The following SLC6A14 variants were observed in gnomAD, a reference collection of about 807,000 sequenced individuals.
SLC6A14 encodes the protein solute carrier family 6 member 14, also known as sodium- and chloride-dependent neutral and basic amino acid transporter B(0+).
Under a neutral mutation model 51.4 loss-of-function variants are expected in SLC6A14, and 21 were observed. The ratio of observed to expected loss-of-function variants is 0.41; its 90% CI spans 0.29 to 0.59. The LOEUF is 0.59. Ranked by LOEUF, SLC6A14 falls within the 20% of genes least tolerant of loss-of-function variation. SLC6A14 has a pLI of 0.31. For missense variants in SLC6A14, 371 were observed against 472.8 expected (o/e 0.78, Z 2.00); for synonymous variants, 177 against 160.7 (o/e 1.10, Z -0.77).
In SLC6A14 at chrX:116,459,005, TA is replaced by T. The variant is rs782397999; in HGVS notation, c.*51del. 6 of 1,004,749 alleles carry T rather than the reference TA, an allele frequency of 6.0e-6. No individual in the cohort carries two copies. The highest frequency in any genetic ancestry group is 3.8e-5 in the African/African-American group (2 of 52,089). 82.8% of individuals were successfully genotyped at this position (1,004,749 alleles called of 1,213,427 possible). A position where few individuals can be genotyped will look rare whatever the true frequency, so the allele number is the denominator to read the frequency against. ...TTGTATAATGTGATTTTTTTTAGAA[TA>T]GGGGGAACCTTATTTATTTGTGTGT... On this transcript the variant is annotated 3_prime_UTR_variant, in exon 14 of 14. Coordinates refer to ENST00000598581, the MANE Select transcript of SLC6A14 (RefSeq NM_007231.5).
At position 116,459,256 on chromosome X, in the gene SLC6A14, G is replaced by A; in HGVS notation, c.*301G>A. 1 of 161,809 alleles carries A rather than the reference G, an allele frequency of 6.2e-6. No individual in the cohort carries two copies. Among genetic ancestry groups the A allele is most frequent in the East Asian group, 1.3e-4 (1 of 7,539 alleles). The allele number at this position is 161,809 out of a possible 1,213,427, so 13.3% of individuals were successfully genotyped here. ...TATATGCATTTTTAATACATTGGAG[G>A]CTTTATTTTGAACTAATTTCTTAGA... On this transcript the variant is annotated 3_prime_UTR_variant, in exon 14 of 14. Transcript: ENST00000598581.
chrX:116,436,902 T>TA, intron 1 of SLC6A14, 145 bp downstream of exon 1: 3 of 474,836 alleles, frequency 6.3e-6, no homozygotes, highest in Non-Finnish European at 1.0e-5. Context: ...GAGATATACC[T>TA]ATAGAGTAGA....
chrX:116,443,904 A>G (rs1171880681), intron 5 of SLC6A14, 114 bp downstream of exon 5: 5 of 605,372 alleles, frequency 8.3e-6, no homozygotes, highest in Non-Finnish European at 1.2e-5. Flanking sequence ...AAGGAAAATC[A>G]GGACAAATTA....
intron 1 of SLC6A14, among the ~76,000 whole-genome samples, chrX:116,437,275 C>A (rs1172928830): frequency 9.3e-6 from 1 of 108,034 alleles, no homozygotes; most frequent in Non-Finnish European, 1.9e-5. Flanking sequence ...ACATCCAATA[C>A]TATCAAGCCA....
chrX:116,438,041 C>A, intron 2 of SLC6A14, 86 bp downstream of exon 2: 1 of 750,643 alleles, frequency 1.3e-6, no homozygotes, highest in South Asian at 2.6e-5. Flanking sequence ...GAATATTTTA[C>A]GAGTTGAAGG....
intron 4 of SLC6A14, 52 bp downstream of exon 4, chrX:116,442,900 T>C (rs782230849): frequency 1.1e-6 from 1 of 922,692 alleles, no homozygotes; most frequent in Admixed American, 3.5e-5. Flanking sequence ...TTTTATAAGC[T>C]TGAAGGGTCA....
chrX:116,443,297 G>C (rs1213967412), intron 4 of SLC6A14, among the ~76,000 whole-genome samples: 1 of 111,260 alleles, frequency 9.0e-6, no homozygotes, highest in African/African-American at 3.3e-5. Context: ...AAGTTTAAAG[G>C]CCTTAATTTG....
intron 6 of SLC6A14, among the ~76,000 whole-genome samples, chrX:116,446,007 A>G (rs1927706354): frequency 9.3e-6 from 1 of 107,472 alleles, no homozygotes; most frequent in Admixed American, 1.0e-4. Flanking sequence ...GTTAATATTG[A>G]AAGAGTCCAT....
rs1928006288 is a variant in SLC6A14, at chrX:116,459,770, A to G, written c.*815A>G. 8.9e-6 allele frequency: 1 copy of G among 112,110 alleles called. No individual in the cohort carries two copies. Among genetic ancestry groups the G allele is most frequent in the African/African-American group, 3.2e-5 (1 of 30,823 alleles). The allele number at this position is 112,110 out of a possible 1,213,427, so 9.2% of individuals were successfully genotyped here. A position where few individuals can be genotyped will look rare whatever the true frequency, so the allele number is the denominator to read the frequency against. On this transcript the variant is annotated 3_prime_UTR_variant, in exon 14 of 14. Coordinates refer to ENST00000598581, the MANE Select transcript of SLC6A14 (RefSeq NM_007231.5). ...TTGTTCATTATACTCTCTGAAATAT[A>G]GGTTTAATTTCAAATAGAATATGGA...
intron 12 of SLC6A14, 125 bp downstream of exon 12, chrX:116,455,591 T>C: frequency 2.1e-6 from 1 of 478,554 alleles, no homozygotes; most frequent in South Asian, 4.1e-5. Context: ...AGTTTTGCAG[T>C]ATTTATGGCT....
At chrX:116,451,806 A>G (rs1266409297) in intron 8 of SLC6A14, 136 bp downstream of exon 8, 4 of 415,643 alleles carry the variant, frequency 9.6e-6, no homozygotes, top group African/African-American at 5.1e-5. Context: ...TTCATCTTAT[A>G]TAATTTTGTT....
intron 7 of SLC6A14, 88 bp from the exon 8 acceptor site, chrX:116,451,348 TTATTAA>T: frequency 1.6e-6 from 1 of 618,638 alleles, no homozygotes; most frequent in South Asian, 3.2e-5. Context: ...CATTTCATTG[TTATTAA>T]TAATATATTC....
intron 3 of SLC6A14, 49 bp downstream of exon 3, chrX:116,441,146 C>CT (rs1927588954): frequency 8.6e-7 from 1 of 1,167,107 alleles, no homozygotes; most frequent in Non-Finnish European, 1.2e-6. Flanking sequence ...CTTCACCATG[C>CT]TTTTTTGTAT....
At position 116,451,610 on chromosome X, in the gene SLC6A14, T is replaced by C. The variant is rs1556694412; in HGVS notation, c.1099T>C (p.Ser367Pro). Residue 367 changes from serine (S) to proline (P), a missense_variant, in exon 8 of 14, where the codon TCT becomes CCT. Coordinates refer to ENST00000598581, the MANE Select transcript of SLC6A14 (RefSeq NM_007231.5). The part of the protein sequence containing the change: ...TSVFAGFAIF[S>P]ILGHMAHISG... ...CGTGTTTGCTGGATTTGCTATTTTT[T>C]CTATATTGGGACACATGGCCCATAT... The C allele has an allele frequency of 8.3e-7, 1 of 1,210,389 alleles. No homozygotes were observed.
Position 116,442,687 on chromosome X carries a change from G to A in SLC6A14, c.347G>A (p.Gly116Asp). 1 of 1,087,418 alleles carries A rather than the reference G, an allele frequency of 9.2e-7. No homozygotes were observed. Among genetic ancestry groups the A allele is most frequent in the Non-Finnish European group, 1.2e-6 (1 of 832,951 alleles). The allele number at this position is 1,087,418 out of a possible 1,213,427, so 89.6% of individuals were successfully genotyped here. A position where few individuals can be genotyped will look rare whatever the true frequency, so the allele number is the denominator to read the frequency against. Residue 116 changes from glycine to aspartate, a missense_variant and splice_region_variant, in exon 4 of 14, where the codon GGT becomes GAT. Physicochemically the swap from Gly to Asp is moderately conservative, Grantham distance 94. This residue lies in a region of SLC6A14 where 277 missense variants were observed against 391.8 expected (regional missense o/e 0.71). Transcript: ENST00000598581. Reference protein sequence around the residue: ...SVWRILPLFQGVGITMVLISI... With the variant: ...SVWRILPLFQDVGITMVLISI... ...ATTTTAATTGTTCTTTTTTTTCCAG[G>A]TGTGGGAATTACAATGGTCCTGATC...
At chrX:116,447,603 TTC>T (rs1210593626) in intron 7 of SLC6A14, among the ~76,000 whole-genome samples, 8 of 107,420 alleles carry the variant, frequency 7.4e-5, no homozygotes, top group African/African-American at 2.4e-4. Context: ...TTTTTTTTTT[TTC>T]TTTTTTTTTT....
At chrX:116,458,210 G>A (rs1428598707) in intron 13 of SLC6A14, among the ~76,000 whole-genome samples, 1 of 111,697 alleles carries the variant, frequency 9.0e-6, no homozygotes, top group Non-Finnish European at 1.9e-5. Flanking sequence ...ACTGGAATAA[G>A]CCTGGTAAAT....
chrX:116,449,220 C>T (rs1459052903), intron 7 of SLC6A14, among the ~76,000 whole-genome samples: 2 of 111,914 alleles, frequency 1.8e-5, no homozygotes, highest in African/African-American at 6.5e-5. Flanking sequence ...GTTTGAATTA[C>T]GATTTCCTAG....
At chrX:116,451,731 C>A in intron 8 of SLC6A14, 61 bp downstream of exon 8, 1 of 652,096 alleles carries the variant, frequency 1.5e-6, no homozygotes, top group Non-Finnish European at 2.3e-6. Context: ...TATGAAACTC[C>A]AATAGAATTT....
Sources: gnomAD v4.1 joint callset for allele counts (sites outside exome capture counted in the v4.1 genomes callset) on GRCh38, gnomAD v4.1.1 for gene constraint, gnomAD v4.1.1 regional missense constraint, MANE v1.5 for transcripts, NCBI Gene and HGNC (gene_info 2026-07-23, HGNC 2026-07-21) for gene names.